Variants in ADGRL3 observed in about 807,000 individuals in gnomAD.
ADGRL3 encodes adhesion G protein-coupled receptor L3.
ADGRL3 carries 62 observed loss-of-function variants against 153.5 expected under a neutral mutation model. The observed-to-expected ratio is 0.40, with a 90% CI of 0.33 to 0.50. The LOEUF (loss-of-function observed/expected upper bound fraction) is 0.50. Ranked by LOEUF, ADGRL3 falls within the 20% of genes least tolerant of loss-of-function variation. The probability of loss-of-function intolerance (pLI) is 0.47; values close to 1 mark genes in which losing one functional copy is unlikely to be tolerated. For missense variants in ADGRL3, 1,641 were observed against 1,859.4 expected, an observed-to-expected ratio of 0.88 and a Z score of 2.16; for synonymous variants, 710 against 672.5, an observed-to-expected ratio of 1.06 and a Z score of -0.86.
chr4:61,474,751 G>A (rs1375408458), intron 2 of ADGRL3, among the ~76,000 whole-genome samples: 2 of 151,962 alleles, frequency 1.3e-5, no homozygotes, highest in Non-Finnish European at 2.9e-5. Context: ...ATATCTCAAA[G>A]CTTTAGCACT....
intron 8 of ADGRL3, among the ~76,000 whole-genome samples, chr4:61,741,616 C>G (rs75292345): frequency 2.0e-5 from 3 of 152,026 alleles, no homozygotes; most frequent in African/African-American, 7.2e-5. Context: ...TTCTCTTACG[C>G]TTTTTTTTAA....
chr4:61,217,803 C>G (rs1394953), intron 1 of ADGRL3, among the ~76,000 whole-genome samples: 90,811 of 151,798 alleles, frequency 0.6, 27,776 homozygotes, highest in Middle Eastern at 0.68. Flanking sequence ...TTTCCCATCC[C>G]CATTGACTTA....
intron 8 of ADGRL3, among the ~76,000 whole-genome samples, chr4:61,812,332 G>A (rs1402303506): frequency 6.6e-6 from 1 of 152,044 alleles, no homozygotes; most frequent in African/African-American, 2.4e-5. Flanking sequence ...AAAAATGCTG[G>A]GAGCAAAGGC....
At chr4:61,926,149 T>TA (rs1382650056) in intron 13 of ADGRL3, among the ~76,000 whole-genome samples, 2 of 152,134 alleles carry the variant, frequency 1.3e-5, no homozygotes, top group East Asian at 3.9e-4. Context: ...AAATATGATA[T>TA]AAAAGATCAA....
intron 2 of ADGRL3, among the ~76,000 whole-genome samples, chr4:61,407,580 G>T (rs2097019112): frequency 6.6e-6 from 1 of 152,046 alleles, no homozygotes; most frequent in Admixed American, 6.6e-5. Flanking sequence ...CCAATTTTTA[G>T]TTTAACTTGC....
chr4:61,856,621 T>C (rs1428082434), intron 9 of ADGRL3, among the ~76,000 whole-genome samples: 10 of 125,092 alleles, frequency 8.0e-5, no homozygotes, highest in Non-Finnish European at 1.2e-4. Flanking sequence ...TTTTTTTTTT[T>C]TTTTTTTTTT....
chr4:61,396,926 A>G (rs1017851245), intron 2 of ADGRL3, among the ~76,000 whole-genome samples: 21 of 142,046 alleles, frequency 1.5e-4, no homozygotes, highest in African/African-American at 5.1e-4. Flanking sequence ...TTACTAAATA[A>G]TTTGTTAGCC....
intron 1 of ADGRL3, among the ~76,000 whole-genome samples, chr4:61,220,343 T>A (rs1744913855): frequency 6.6e-6 from 1 of 152,124 alleles, no homozygotes; most frequent in Non-Finnish European, 1.5e-5. Context: ...TGATACTTAG[T>A]GATTTAGAAC....
intron 3 of ADGRL3, among the ~76,000 whole-genome samples, chr4:61,498,435 A>G (rs948974001): frequency 6.6e-6 from 1 of 152,044 alleles, no homozygotes; most frequent in African/African-American, 2.4e-5. Context: ...CTGTAGTCCC[A>G]GCTACTCGGG....
chr4:61,269,673 G>T (rs1378988155), intron 1 of ADGRL3, among the ~76,000 whole-genome samples: 1 of 151,656 alleles, frequency 6.6e-6, no homozygotes, highest in African/African-American at 2.4e-5. Flanking sequence ...AGAATAAGCT[G>T]TCACATTCAA....
chr4:61,981,536 A>G (rs2099068360), intron 18 of ADGRL3, among the ~76,000 whole-genome samples: 1 of 152,086 alleles, frequency 6.6e-6, no homozygotes. Context: ...AAAGGGAAAG[A>G]AAAGAAAAAA....
At chr4:61,269,737 G>A (rs67050759) in intron 1 of ADGRL3, among the ~76,000 whole-genome samples, 65,246 of 151,346 alleles carry the variant, frequency 0.43, 14,373 homozygotes, top group South Asian at 0.61. Context: ...GAAGGTGCAG[G>A]TCTCTGCCTT....
intron 12 of ADGRL3, among the ~76,000 whole-genome samples, chr4:61,912,171 A>G (rs940331491): frequency 6.6e-6 from 1 of 152,166 alleles, no homozygotes; most frequent in Non-Finnish European, 1.5e-5. Flanking sequence ...TATCTCTAGT[A>G]TGTGCCCATT....
At chr4:61,562,641 T>C (rs2098799921) in intron 4 of ADGRL3, among the ~76,000 whole-genome samples, 1 of 152,144 alleles carries the variant, frequency 6.6e-6, no homozygotes, top group Non-Finnish European at 1.5e-5. Context: ...ATCATGAGAT[T>C]GCAGCAGCTC....
chr4:61,945,706 C>CT (rs1428095746), intron 15 of ADGRL3, among the ~76,000 whole-genome samples: 18 of 150,280 alleles, frequency 1.2e-4, no homozygotes, highest in Middle Eastern at 6.8e-3. Flanking sequence ...TTTCCAGGTG[C>CT]GTCCGTCACC....
chr4:61,364,100 G>A (rs1343956916), intron 1 of ADGRL3, among the ~76,000 whole-genome samples: 2 of 151,944 alleles, frequency 1.3e-5, no homozygotes, highest in Non-Finnish European at 2.9e-5. Flanking sequence ...GGGAGGCCAA[G>A]CCGGGTGGAT....
Position 61,202,979 on chromosome 4 carries a change from G to GT in ADGRL3, c.-240+1214_-240+1215insT, listed in dbSNP as rs2148700705. Among the ~76,000 whole-genome samples the GT allele has an allele frequency of 6.6e-6, 1 of 152,308 alleles. No homozygotes were observed. The highest frequency in any genetic ancestry group is 2.1e-4 in the South Asian group (1 of 4,830). On this transcript the variant is annotated intron_variant, in intron 1 of 26. Coordinates refer to ENST00000683033, the MANE Select transcript of ADGRL3 (RefSeq NM_001387552.1). This position sits in a 1 kb window ranked among gnomAD's most constrained non-coding sequence, Gnocchi z 5.0. ...AAATCTGGTTTGAGGAGGCCACGGG[G>GT]GCCCCCGCAGGGTGGCGAGGAAACC...
chr4:61,799,766 C>T (rs1388372363), intron 8 of ADGRL3, among the ~76,000 whole-genome samples: 1 of 152,048 alleles, frequency 6.6e-6, no homozygotes, highest in African/African-American at 2.4e-5. Flanking sequence ...TCTTGTTTGT[C>T]TCAGAGGCAG....
chr4:62,076,922 C>A lies in ADGRL3; in HGVS notation c.*6014C>A, dbSNP rs1041269227. ...TTATATTAGAATTATGTACATTATA[C>A]AAAATAATTCATAACCAAGAAATAT... is the stretch of plus-strand genomic sequence containing the variant. On this transcript the variant is annotated 3_prime_UTR_variant, in exon 27 of 27. Coordinates refer to ENST00000683033, the MANE Select transcript of ADGRL3 (RefSeq NM_001387552.1). 5 of 150,934 alleles carry A rather than the reference C, an allele frequency of 3.3e-5. No homozygotes were observed. The highest frequency in any genetic ancestry group is 1.3e-4 in the Admixed American group (2 of 15,118). The allele number at this position is 150,934 out of a possible 1,614,324, so 9.3% of individuals were successfully genotyped here. A position where few individuals can be genotyped will look rare whatever the true frequency, so the allele number is the denominator to read the frequency against.
Sources: allele counts gnomAD v4.1 joint callset (sites outside exome capture counted in the v4.1 genomes callset), GRCh38; gene constraint gnomAD v4.1.1; non-coding constraint Gnocchi (gnomAD v3.1); transcripts MANE v1.5; gene names NCBI Gene and HGNC (gene_info 2026-07-23, HGNC 2026-07-21).